The following SPAG16 variants were observed in gnomAD, a reference collection of about 807,000 sequenced individuals.
The protein encoded by SPAG16 is sperm-associated antigen 16 protein.
A neutral mutation model predicts 80.4 loss-of-function variants in SPAG16; 86 were observed. The observed-to-expected ratio is 1.07, with a 90% CI of 0.90 to 1.28. The LOEUF (loss-of-function observed/expected upper bound fraction) is 1.28. Ranked by LOEUF, SPAG16 falls within the 50% of genes most tolerant of loss-of-function variation. The pLI, the probability that SPAG16 is intolerant of heterozygous loss-of-function variation, is 0.00. For missense variants in SPAG16, 870 were observed against 765.3 expected (o/e 1.14, Z -1.61); for synonymous variants, 294 against 265.9 (o/e 1.11, Z -1.03).
At chr2:213,298,636 C>T (rs529686726) in intron 3 of SPAG16, among the ~76,000 whole-genome samples, 1 of 152,194 alleles carries the variant, frequency 6.6e-6, no homozygotes, top group African/African-American at 2.4e-5. Flanking sequence ...CTATCATGGT[C>T]GAAAGTGTTT....
intron 9 of SPAG16, among the ~76,000 whole-genome samples, chr2:213,440,135 C>T (rs912933866): frequency 1.3e-5 from 2 of 152,158 alleles, no homozygotes; most frequent in Non-Finnish European, 2.9e-5. Flanking sequence ...TGTTAGCAAG[C>T]TTGCCCTACA....
chr2:214,143,752 G>A (rs1305917116), intron 14 of SPAG16, among the ~76,000 whole-genome samples: 1 of 152,128 alleles, frequency 6.6e-6, no homozygotes. Flanking sequence ...GAGATTCAGT[G>A]TTACAGAAAG....
intron 15 of SPAG16, among the ~76,000 whole-genome samples, chr2:214,286,984 T>C (rs2125923168): frequency 6.6e-6 from 1 of 152,304 alleles, no homozygotes; most frequent in Non-Finnish European, 1.5e-5. Context: ...AGCTGTGAAT[T>C]AAGACTGAAA....
intron 12 of SPAG16, among the ~76,000 whole-genome samples, chr2:213,990,987 A>T (rs578155786): frequency 1.8e-4 from 28 of 152,136 alleles, no homozygotes; most frequent in African/African-American, 5.8e-4. Flanking sequence ...TCCTTCTCCA[A>T]ATCCACTTAT....
At chr2:213,897,793 G>A (rs557666379) in intron 11 of SPAG16, among the ~76,000 whole-genome samples, 6 of 152,142 alleles carry the variant, frequency 3.9e-5, no homozygotes, top group Non-Finnish European at 7.4e-5. Context: ...TAGAGTGATT[G>A]CCCAGTGGGG....
At chr2:214,084,054 T>C (rs1168761563) in intron 13 of SPAG16, among the ~76,000 whole-genome samples, 4 of 152,146 alleles carry the variant, frequency 2.6e-5, no homozygotes, top group South Asian at 2.1e-4. Flanking sequence ...GAGAAAACCA[T>C]ATAACATTTA....
intron 10 of SPAG16, among the ~76,000 whole-genome samples, chr2:213,532,069 GA>G (rs2076089644): frequency 6.6e-6 from 1 of 152,048 alleles, no homozygotes. Context: ...ATACCTATTT[GA>G]AAAACTCATA....
intron 13 of SPAG16, among the ~76,000 whole-genome samples, chr2:214,053,510 A>G (rs2049771954): frequency 6.6e-6 from 1 of 152,062 alleles, no homozygotes; most frequent in African/African-American, 2.4e-5. Context: ...CTTTTTATGT[A>G]TGGCAGAGAA....
intron 10 of SPAG16, among the ~76,000 whole-genome samples, chr2:213,854,238 TC>T (rs1429299304): frequency 6.6e-6 from 1 of 152,200 alleles, no homozygotes; most frequent in Non-Finnish European, 1.5e-5. Context: ...GTAGGGAATG[TC>T]CTACCCATGG....
intron 5 of SPAG16, among the ~76,000 whole-genome samples, chr2:213,326,494 A>G (rs2063846941): frequency 6.6e-6 from 1 of 151,982 alleles, no homozygotes; most frequent in Admixed American, 6.6e-5. Flanking sequence ...GGACGTGAAT[A>G]TACCCCTTTC....
chr2:213,952,186 G>A (rs745956559), intron 12 of SPAG16, among the ~76,000 whole-genome samples: 4 of 151,864 alleles, frequency 2.6e-5, no homozygotes, highest in Non-Finnish European at 2.9e-5. Flanking sequence ...AAAATGCATC[G>A]AAAACAAATG....
intron 9 of SPAG16, among the ~76,000 whole-genome samples, chr2:213,398,318 C>G (rs1036401167): frequency 3.9e-5 from 6 of 152,196 alleles, no homozygotes; most frequent in Non-Finnish European, 8.8e-5. Context: ...TGACATTTCT[C>G]TGCTGAAAAT....
intron 15 of SPAG16, among the ~76,000 whole-genome samples, chr2:214,378,775 G>C (rs1700278724): frequency 6.6e-6 from 1 of 152,208 alleles, no homozygotes; most frequent in Non-Finnish European, 1.5e-5. Context: ...AATGTGAAGG[G>C]ATAAATAAAA....
chr2:214,349,754 A>G (rs1423774305), intron 15 of SPAG16, among the ~76,000 whole-genome samples: 2 of 152,186 alleles, frequency 1.3e-5, no homozygotes, highest in African/African-American at 2.4e-5. Flanking sequence ...AGTGTTGTCA[A>G]TCTTTTTTGT....
chr2:213,949,176 T>TTG (rs2079606121), intron 12 of SPAG16, among the ~76,000 whole-genome samples: 1 of 17,960 alleles, frequency 5.6e-5, no homozygotes, highest in African/African-American at 1.0e-4. Flanking sequence ...ACAGTTTTTT[T>TTG]TTTTTTTTTT....
chr2:214,160,474 T>C (rs557242981), intron 15 of SPAG16, among the ~76,000 whole-genome samples: 1 of 151,980 alleles, frequency 6.6e-6, no homozygotes, highest in South Asian at 2.1e-4. Context: ...TCTGTAATCA[T>C]TTTTATCATC....
chr2:213,550,436 C>A (rs2076747028), intron 10 of SPAG16, among the ~76,000 whole-genome samples: 1 of 151,972 alleles, frequency 6.6e-6, no homozygotes, highest in Non-Finnish European at 1.5e-5. Context: ...AAATCTTTAG[C>A]AATTCATTTG....
chr2:213,532,057 G>A (rs992687096), intron 10 of SPAG16, among the ~76,000 whole-genome samples: 6 of 152,084 alleles, frequency 3.9e-5, no homozygotes, highest in African/African-American at 1.4e-4. Flanking sequence ...TATTCTAAAA[G>A]TATACCTATT....
chr2:213,565,688 A>G (rs1276580460), intron 10 of SPAG16, among the ~76,000 whole-genome samples: 1 of 152,224 alleles, frequency 6.6e-6, no homozygotes, highest in Non-Finnish European at 1.5e-5. Context: ...GCCAAGAGAC[A>G]AACTCCCTGG....
Sources: allele counts gnomAD v4.1 joint callset (sites outside exome capture counted in the v4.1 genomes callset), GRCh38; gene constraint gnomAD v4.1.1; transcripts MANE v1.5; gene names NCBI Gene and HGNC (gene_info 2026-07-23, HGNC 2026-07-21).